Variants in TAF5 observed in about 807,000 individuals in gnomAD.
TAF5 encodes the protein transcription initiation factor TFIID subunit 5.
Under a neutral mutation model 80.9 loss-of-function variants are expected in TAF5, and 20 were observed. The ratio of observed to expected loss-of-function variants is 0.25; its 90% confidence interval spans 0.17 to 0.36. The LOEUF (loss-of-function observed/expected upper bound fraction) is 0.36, where lower values mean the gene tolerates loss of function less well. TAF5 is among the 10% of genes least tolerant of loss of function. The pLI, the probability that TAF5 is intolerant of heterozygous loss-of-function variation, is 1.00. For missense variants in TAF5, 863 were observed against 1,029.4 expected, an observed-to-expected ratio of 0.84 and a Z score of 2.21; for synonymous variants, 388 against 406.4, an observed-to-expected ratio of 0.95 and a Z score of 0.55.
In TAF5 at chr10:103,368,287, G is replaced by A; in HGVS notation, c.298G>A (p.Val100Met). The A allele has an allele frequency of 6.3e-7, 1 of 1,579,892 alleles. No individual in the cohort carries two copies. Among genetic ancestry groups the A allele is most frequent in the South Asian group, 1.1e-5 (1 of 87,896 alleles). The change falls in exon 1 of 11, where the codon GTG becomes ATG. Residue 100 changes from valine to methionine, a missense_variant. Around this residue, in one of 3 missense-constraint regions of TAF5, gnomAD observed 367 missense variants for 335.5 expected, o/e 1.09. Transcript: ENST00000369839. ...GCATGACCGACAGACTCTACTGGCC[G>A]TGCTGCAGTTCCTACGGCAGAGCAA... ...APHDRQTLLA[V>M]LQFLRQSKLR...
rs540122214 is a variant in TAF5 at position 103,388,327 on chromosome 10, C to T, written c.*104C>T. 1.4e-5 allele frequency: 14 copies of T among 1,007,508 alleles called. No homozygotes were observed. The African/African-American group carries it at 2.0e-4, about 14-fold the overall frequency. The allele number at this position is 1,007,508 out of a possible 1,614,324, so 62.4% of individuals were successfully genotyped here. A position where few individuals can be genotyped will look rare whatever the true frequency, so the allele number is the denominator to read the frequency against. ...TTTAAGCTACAGAGAATGTTTTTGT[C>T]TATATGGATCTGGAAGTATGCTGCT... On this transcript the variant is annotated 3_prime_UTR_variant, in exon 11 of 11. Coordinates refer to ENST00000369839, the MANE Select transcript of TAF5 (RefSeq NM_006951.5).
chr10:103,377,844 T>G (rs2093373274), intron 2 of TAF5, among the ~76,000 whole-genome samples: 1 of 152,192 alleles, frequency 6.6e-6, no homozygotes, highest in Admixed American at 6.5e-5. Context: ...AATAAAACTT[T>G]TAAAAGTGGG....
chr10:103,377,142 C>T (rs140344639), intron 2 of TAF5, among the ~76,000 whole-genome samples: 28 of 152,276 alleles, frequency 1.8e-4, no homozygotes, highest in Non-Finnish European at 4.0e-4. Context: ...AAGAACCTGT[C>T]TCTAAAAAAG....
chr10:103,375,769 G>T (rs1296838404), intron 2 of TAF5, among the ~76,000 whole-genome samples: 1 of 152,014 alleles, frequency 6.6e-6, no homozygotes, highest in Non-Finnish European at 1.5e-5. Context: ...TATTTAAGAA[G>T]GAGGCAGGCT....
rs376746086 is a variant in TAF5 at position 103,387,722 on chromosome 10, C to T, written c.2185+24C>T. 4.5e-5 allele frequency: 71 copies of T among 1,595,070 alleles called. 1 individual carries two copies. Among genetic ancestry groups the T allele is most frequent in the Middle Eastern group, 3.3e-4 (2 of 6,000 alleles). ...AGGTAAATGACTATTAATGGCTTTACGATAAATGCTATGTTAAGAGGAAAC... is the reference window on the plus strand; with the variant it reads ...AGGTAAATGACTATTAATGGCTTTATGATAAATGCTATGTTAAGAGGAAAC... On this transcript the variant is annotated intron_variant, in intron 10 of 10. Coordinates refer to ENST00000369839, the MANE Select transcript of TAF5 (RefSeq NM_006951.5).
At chr10:103,385,551 G>A in intron 8 of TAF5, 61 bp downstream of exon 8, 7 of 1,542,054 alleles carry the variant, frequency 4.5e-6, no homozygotes, top group Non-Finnish European at 6.2e-6. Context: ...TTCTTGTTGG[G>A]AATTACACAG....
Position 103,378,324 on chromosome 10 carries a change from C to T in TAF5, c.887C>T (p.Thr296Ile), listed in dbSNP as rs1008082324. 6.2e-7 allele frequency: 1 copy of T among 1,614,140 alleles called. No homozygotes were observed. The highest frequency in any genetic ancestry group is 8.5e-7 in the Non-Finnish European group (1 of 1,180,024). ...TKKEHMKGNE[T>I]MLDFRTSKFV... Reference sequence around the variant, plus strand: ...AAGGAACACATGAAAGGGAATGAGACCATGTTGGATTTTCGAACAAGTAAA... The same window carrying T: ...AAGGAACACATGAAAGGGAATGAGATCATGTTGGATTTTCGAACAAGTAAA... Residue 296 changes from threonine to isoleucine, a missense_variant, in exon 3 of 11, where the codon ACC becomes ATC. Thr to Ile is a moderately conservative substitution (Grantham distance 89, BLOSUM62 -1). This residue lies in a region of TAF5 where 128 missense variants were observed against 232.2 expected (regional missense o/e 0.55). Transcript: ENST00000369839. This position sits in a 1 kb window ranked among gnomAD's most constrained non-coding sequence, Gnocchi z 4.1.
chr10:103,381,391 C>T (rs181245731), intron 5 of TAF5, among the ~76,000 whole-genome samples: 3 of 152,156 alleles, frequency 2.0e-5, no homozygotes, highest in Admixed American at 1.3e-4. Flanking sequence ...GTCAGCCTCA[C>T]AAGTAGATGG....
rs77467282 is a variant in TAF5, at chr10:103,383,966, T to A, written c.1664+599T>A. Among the ~76,000 whole-genome samples, 748 of 148,040 alleles carry A rather than the reference T, an allele frequency of 5.1e-3. 6 individuals carry two copies. Among genetic ancestry groups the A allele is most frequent in the African/African-American group, 0.016 (642 of 40,744 alleles). ...CTTTAGTATTTCCCTTTTTTTTTTTTAATTATTTTTATTTGTTACCCAATG... is the reference window on the plus strand; with the variant it reads ...CTTTAGTATTTCCCTTTTTTTTTTTAAATTATTTTTATTTGTTACCCAATG... On this transcript the variant is annotated intron_variant, in intron 7 of 10. Transcript: ENST00000369839.
At position 103,368,383 on chromosome 10, in the gene TAF5, GC is replaced by G; in HGVS notation, c.398del (p.Pro133ArgfsTer11). ...LLEEAVAGSGAPGEVDSAGAE... is the reference protein window; with the variant it reads ...LLEEAVAGSGXPGEVDSAGAE... ...GGAGGAGGCAGTGGCGGGCTCCGGA[GC>G]CCCGGGAGAGGTGGACAGCGCCGGC... On this transcript the variant is annotated frameshift_variant, in exon 1 of 11. Coordinates refer to ENST00000369839, the MANE Select transcript of TAF5 (RefSeq NM_006951.5). LOFTEE classifies it high-confidence loss of function. The G allele has an allele frequency of 6.4e-7, 1 of 1,559,948 alleles. No homozygotes were observed. Among genetic ancestry groups the G allele is most frequent in the East Asian group, 2.3e-5 (1 of 43,210 alleles).
chr10:103,377,936 C>T (rs1206405558), intron 2 of TAF5, among the ~76,000 whole-genome samples: 5 of 152,088 alleles, frequency 3.3e-5, no homozygotes, highest in East Asian at 1.9e-4. Context: ...TGTCTCCATT[C>T]TAAAGAAACT....
chr10:103,388,399 T>G lies in TAF5; in HGVS notation c.*176T>G. 5.3e-6 allele frequency: 3 copies of G among 568,256 alleles called. No homozygotes were observed. The highest frequency in any genetic ancestry group is 9.2e-6 in the Non-Finnish European group (3 of 325,162). 35.2% of individuals were successfully genotyped at this position (568,256 alleles called of 1,614,324 possible). A position where few individuals can be genotyped will look rare whatever the true frequency, so the allele number is the denominator to read the frequency against. On this transcript the variant is annotated 3_prime_UTR_variant, in exon 11 of 11. Coordinates refer to ENST00000369839, the MANE Select transcript of TAF5 (RefSeq NM_006951.5). Reference sequence around the variant, plus strand: ...GTTCCACGTTTCTATAGCAACCACATTTGACTAATTTCCGTTAGTTGAATA... The same window carrying G: ...GTTCCACGTTTCTATAGCAACCACAGTTGACTAATTTCCGTTAGTTGAATA...
chr10:103,373,713 T>C (rs1248537877), intron 2 of TAF5, 118 bp downstream of exon 2: 1 of 768,416 alleles, frequency 1.3e-6, no homozygotes, highest in Non-Finnish European at 2.0e-6. Context: ...AAGTACGTTG[T>C]GAAGGAGAGG....
intron 2 of TAF5, among the ~76,000 whole-genome samples, chr10:103,377,168 T>G (rs543555179): frequency 6.6e-5 from 10 of 152,154 alleles, no homozygotes; most frequent in Non-Finnish European, 1.0e-4. Flanking sequence ...AAAACCTTTT[T>G]GCTCTTCCTG....
At chr10:103,372,500 A>G (rs542930507) in intron 1 of TAF5, among the ~76,000 whole-genome samples, 1 of 147,360 alleles carries the variant, frequency 6.8e-6, no homozygotes, top group South Asian at 2.2e-4. Context: ...ACGCCTGGCT[A>G]ATTTTTTGTG....
intron 1 of TAF5, among the ~76,000 whole-genome samples, chr10:103,370,427 GCGATT>G (rs1333426612): frequency 6.9e-6 from 1 of 144,800 alleles, no homozygotes; most frequent in Admixed American, 7.1e-5. Flanking sequence ...CCAGGTTCAA[GCGATT>G]CTCCTGCCTC....
chr10:103,374,583 G>C lies in TAF5; in HGVS notation c.797+988G>C, dbSNP rs1205602979. On this transcript the variant is annotated intron_variant, in intron 2 of 10. Coordinates refer to ENST00000369839, the MANE Select transcript of TAF5 (RefSeq NM_006951.5). This position sits in a 1 kb window ranked among gnomAD's most constrained non-coding sequence, Gnocchi z 4.3. ...TGTCTATGTGCCCAGCTGATATTCA[G>C]GTTTTCTTTTATGGAGGAAGACAGG... Among the ~76,000 whole-genome samples the C allele has an allele frequency of 1.5e-4, 23 of 152,172 alleles. No homozygotes were observed. The highest frequency in any genetic ancestry group is 1.5e-3 in the Admixed American group (23 of 15,258).
chr10:103,387,322 T>C lies in TAF5; in HGVS notation c.1977T>C (p.Gly659=). The C allele has an allele frequency of 6.2e-7, 1 of 1,614,104 alleles. No individual in the cohort carries two copies. The highest frequency in any genetic ancestry group is 8.5e-7 in the Non-Finnish European group (1 of 1,180,006). ...TGCGGCTCTGGGACGTCCTGAATGG[T>C]AACTGTGTAAGGATCTTCACTGGAC... The part of the protein sequence containing the change: ...RTVRLWDVLN[G]NCVRIFTGHK... Residue 659 remains glycine, a synonymous_variant, in exon 9 of 11, where the codon GGT becomes GGC. Coordinates refer to ENST00000369839, the MANE Select transcript of TAF5 (RefSeq NM_006951.5).
At chr10:103,380,302 G>A (rs2093379664) in intron 5 of TAF5, among the ~76,000 whole-genome samples, 1 of 151,974 alleles carries the variant, frequency 6.6e-6, no homozygotes, top group South Asian at 2.1e-4. Context: ...CTAATTTTTT[G>A]TATTTTTAGT....
Sources: gnomAD v4.1 joint callset for allele counts (sites outside exome capture counted in the v4.1 genomes callset) on GRCh38, gnomAD v4.1.1 for gene constraint, gnomAD v4.1.1 regional missense constraint, Gnocchi (gnomAD v3.1) non-coding constraint, MANE v1.5 for transcripts, NCBI Gene and HGNC (gene_info 2026-07-23, HGNC 2026-07-21) for gene names.